TRHDE: variants seen among roughly 807,000 people sequenced by gnomAD.
TRHDE encodes the protein thyrotropin-releasing hormone-degrading ectoenzyme.
A neutral mutation model predicts 125.7 loss-of-function variants in TRHDE; 72 were observed. That is an observed-to-expected ratio of 0.57 (90% CI 0.47 to 0.70). The LOEUF (loss-of-function observed/expected upper bound fraction) is 0.70. Among genes scored for constraint, TRHDE ranks in the 30% least tolerant of loss-of-function variants. The probability of loss-of-function intolerance (pLI) is 0.00; values close to 1 mark genes in which losing one functional copy is unlikely to be tolerated. For missense variants in TRHDE, 1,110 were observed against 1,327.1 expected (o/e 0.84, Z 2.54); for synonymous variants, 509 against 509.1 (o/e 1.00, Z 0.00).
At chr12:72,104,128 T>A (rs1290158923) in intron 1 of TRHDE, among the ~76,000 whole-genome samples, 2 of 152,044 alleles carry the variant, frequency 1.3e-5, no homozygotes, top group East Asian at 3.9e-4. Context: ...AATATATGGG[T>A]GTGGGGAGAT....
intron 3 of TRHDE, among the ~76,000 whole-genome samples, chr12:72,438,997 A>G (rs1565741799): frequency 6.6e-6 from 1 of 151,682 alleles, no homozygotes; most frequent in Non-Finnish European, 1.5e-5. Flanking sequence ...GATGAGTCCA[A>G]TTTTATTTTT....
At chr12:72,556,949 A>G (rs1447451609) in intron 7 of TRHDE, among the ~76,000 whole-genome samples, 3 of 152,150 alleles carry the variant, frequency 2.0e-5, no homozygotes, top group Non-Finnish European at 4.4e-5. Flanking sequence ...CACTGGAGAA[A>G]GCACTATTGG....
chr12:72,546,183 A>G (rs1869409580), intron 7 of TRHDE, among the ~76,000 whole-genome samples: 1 of 151,690 alleles, frequency 6.6e-6, no homozygotes, highest in Non-Finnish European at 1.5e-5. Flanking sequence ...AATTTACTTG[A>G]GTTGTAATTT....
chr12:72,663,129 T>C lies in TRHDE; in HGVS notation c.3144T>C (p.Asn1048=), dbSNP rs139647002. 2.1e-4 allele frequency: 332 copies of C among 1,613,326 alleles called. 1 individual carries two copies. In the African/African-American group the frequency reaches 4.0e-3, roughly 19 times the overall value. ...GAGCTGTGGAAACTGTCGAAGCCAA[T>C]GTGCGCTGGAAAATGCTTTACCAAG... ...FSRAVETVEA[N]VRWKMLYQDE... is the part of the protein sequence containing the mutation. Residue 1048 remains asparagine (N), a synonymous_variant, in exon 19 of 19, where the codon AAT becomes AAC. Coordinates refer to ENST00000261180, the MANE Select transcript of TRHDE (RefSeq NM_013381.3).
chr12:72,499,164 T>C (rs1227821369), intron 5 of TRHDE, among the ~76,000 whole-genome samples: 2 of 152,182 alleles, frequency 1.3e-5, no homozygotes, highest in African/African-American at 4.8e-5. Flanking sequence ...CCTTGTAAAA[T>C]GCACAAATAA....
intron 15 of TRHDE, among the ~76,000 whole-genome samples, chr12:72,644,673 T>G (rs1487669674): frequency 6.6e-6 from 1 of 152,200 alleles, no homozygotes; most frequent in Non-Finnish European, 1.5e-5. Flanking sequence ...GTGTCATAGA[T>G]CTTTTCTACT....
At chr12:72,300,403 G>C (rs1469395002) in intron 2 of TRHDE, among the ~76,000 whole-genome samples, 1 of 143,970 alleles carries the variant, frequency 6.9e-6, no homozygotes, top group Non-Finnish European at 1.5e-5. Flanking sequence ...CACACACATT[G>C]CTGGGCAGCT....
In TRHDE at chr12:72,522,639, C is replaced by T. The variant is rs146025302; in HGVS notation, c.1723-19652C>T. ...TCATACTTTATTAATAAGTGTTCCT[C>T]TTAACTTTTTAAGAGTTTAGTTTGA... On this transcript the variant is annotated intron_variant, in intron 6 of 18. Transcript: ENST00000261180. 5.9e-5 allele frequency among the ~76,000 whole-genome samples: 9 copies of T among 152,318 alleles called. No individual in the cohort carries two copies. In the East Asian group the frequency reaches 1.7e-3, roughly 29 times the overall value.
chr12:72,627,847 AT>A (rs71071845), intron 15 of TRHDE, among the ~76,000 whole-genome samples: 5,089 of 143,548 alleles, frequency 0.035, 228 homozygotes, highest in African/African-American at 0.11. Flanking sequence ...CACCTGGCTA[AT>A]TTTTTTTTTT....
rs549836980 is a variant in TRHDE at position 72,389,529 on chromosome 12, G to A, written c.1315+11408G>A. ...ATGGTTCTGGAGGCTAGACTAGAGC[G>A]CTGGTGGGGTCAGGCTCTGGTGAGG... On this transcript the variant is annotated intron_variant, in intron 3 of 18. Transcript: ENST00000261180. 3.9e-5 allele frequency among the ~76,000 whole-genome samples: 6 copies of A among 152,336 alleles called. No homozygotes were observed. The South Asian group carries it at 1.0e-3, about 26-fold the overall frequency.
intron 1 of TRHDE, among the ~76,000 whole-genome samples, chr12:72,275,610 A>G (rs1322229046): frequency 6.6e-6 from 1 of 152,234 alleles, no homozygotes; most frequent in Non-Finnish European, 1.5e-5. Context: ...CATTACTGAT[A>G]CATCTTGCTG....
chr12:72,285,434 G>A (rs1401744840), intron 1 of TRHDE, among the ~76,000 whole-genome samples: 2 of 151,494 alleles, frequency 1.3e-5, no homozygotes, highest in African/African-American at 4.8e-5. Context: ...ATATTGTTTT[G>A]TAACTAGCAT....
At chr12:72,523,516 T>A (rs980956869) in intron 6 of TRHDE, among the ~76,000 whole-genome samples, 1 of 152,214 alleles carries the variant, frequency 6.6e-6, no homozygotes, top group South Asian at 2.1e-4. Flanking sequence ...TATTTTTACA[T>A]ACATATCTTG....
intron 3 of TRHDE, among the ~76,000 whole-genome samples, chr12:72,393,887 A>G (rs1470544013): frequency 2.0e-5 from 3 of 152,200 alleles, no homozygotes; most frequent in African/African-American, 7.2e-5. Flanking sequence ...TCTTTCAAAA[A>G]TATAGTGGAC....
At chr12:72,431,942 TG>T (rs1874503636) in intron 3 of TRHDE, 1 of 200,002 alleles carries the variant, frequency 5.0e-6, no homozygotes, top group African/African-American at 2.3e-5. Flanking sequence ...TTTCACGGAG[TG>T]CCACAGTACC....
intron 2 of TRHDE, among the ~76,000 whole-genome samples, chr12:72,129,224 A>T (rs188603213): frequency 1.3e-5 from 2 of 152,344 alleles, no homozygotes; most frequent in Middle Eastern, 3.4e-3. Flanking sequence ...AGCTAAAAAA[A>T]TTTATCACCA....
intron 2 of TRHDE, 133 bp downstream of exon 2, chr12:72,287,087 G>A (rs1879917876): frequency 3.1e-6 from 3 of 981,210 alleles, no homozygotes; most frequent in Non-Finnish European, 2.9e-6. Flanking sequence ...TAATTCTTAT[G>A]GGGGGGTTTT....
chr12:72,184,845 C>T (rs1877168618), intron 2 of TRHDE, among the ~76,000 whole-genome samples: 1 of 152,176 alleles, frequency 6.6e-6, no homozygotes, highest in South Asian at 2.1e-4. Context: ...TGGTTGATTT[C>T]CTCAGTAATT....
chr12:72,278,268 A>T (rs1483054027), intron 1 of TRHDE, among the ~76,000 whole-genome samples: 1 of 152,038 alleles, frequency 6.6e-6, no homozygotes, highest in African/African-American at 2.4e-5. Flanking sequence ...AAATGACAGG[A>T]TTTCCTTCTG....
Sources: gnomAD v4.1 joint callset for allele counts (sites outside exome capture counted in the v4.1 genomes callset) on GRCh38, gnomAD v4.1.1 for gene constraint, MANE v1.5 for transcripts, NCBI Gene and HGNC (gene_info 2026-07-23, HGNC 2026-07-21) for gene names.